Variants in HCFC2 observed in about 807,000 individuals in gnomAD.
HCFC2 encodes the protein host cell factor C2.
Under a neutral mutation model 89.2 loss-of-function variants are expected in HCFC2, and 18 were observed. The ratio of observed to expected loss-of-function variants is 0.20; its 90% CI spans 0.14 to 0.30. The LOEUF is 0.30. HCFC2 is among the 10% of genes least tolerant of loss of function. HCFC2 has a pLI of 1.00. For missense variants in HCFC2, 578 were observed against 956.1 expected, an observed-to-expected ratio of 0.60 and a Z score of 5.21; for synonymous variants, 308 against 335.7, an observed-to-expected ratio of 0.92 and a Z score of 0.90.
chr12:104,102,172 A>G lies in HCFC2; in HGVS notation c.2064+19A>G, dbSNP rs138662997. 3.5e-5 allele frequency: 56 copies of G among 1,595,932 alleles called. 1 individual carries two copies. The African/African-American group carries it at 5.4e-4, about 15-fold the overall frequency. ...TTCAAAGGTGAGACATCGGGTCAAG[A>G]CTTGTTGGTGATTTTAAATTATTTG... On this transcript the variant is annotated intron_variant, in intron 14 of 14. Transcript: ENST00000229330.
At chr12:104,097,682 G>A (rs1884215230) in intron 12 of HCFC2, 2 of 971,326 alleles carry the variant, frequency 2.1e-6, no homozygotes, top group South Asian at 9.5e-5. Context: ...TAAGAAGATG[G>A]CTTTAAAAGG....
At position 104,067,930 on chromosome 12, in the gene HCFC2, G is replaced by GC; in HGVS notation, c.313-14dup. 31 of 1,567,772 alleles carry GC rather than the reference G, an allele frequency of 2.0e-5. No individual in the cohort carries two copies. Among genetic ancestry groups the GC allele is most frequent in the Non-Finnish European group, 2.7e-5 (31 of 1,164,010 alleles). On this transcript the variant is annotated splice_polypyrimidine_tract_variant and intron_variant, in intron 2 of 14. Transcript: ENST00000229330. ...CTTGATTTTGTCTGACTGTATTTGTGCCCTTTTTTTTTTTAGGCAAGTCGT... is the reference window on the plus strand; with the variant it reads ...CTTGATTTTGTCTGACTGTATTTGTGCCCCTTTTTTTTTTTAGGCAAGTCGT...
chr12:104,066,435 T>C, intron 2 of HCFC2, 120 bp downstream of exon 2: 1 of 580,000 alleles, frequency 1.7e-6, no homozygotes, highest in Non-Finnish European at 2.7e-6. Context: ...TCAAGTAATG[T>C]ATTATTCAAG....
intron 3 of HCFC2, among the ~76,000 whole-genome samples, chr12:104,078,719 A>G (rs2136605757): frequency 6.6e-6 from 1 of 152,308 alleles, no homozygotes; most frequent in African/African-American, 2.4e-5. Context: ...CTGCCCCAAA[A>G]TTTAATGATG....
rs1377929592 is a variant in HCFC2, at chr12:104,103,389, G to T, written c.*116G>T. On this transcript the variant is annotated 3_prime_UTR_variant, in exon 15 of 15. Transcript: ENST00000229330. Reference sequence around the variant, plus strand: ...GTATTTCCAGCAGTTATGAACTTGAGTTTGTAAATTGTTCTTAAAATGTAT... The same window carrying T: ...GTATTTCCAGCAGTTATGAACTTGATTTTGTAAATTGTTCTTAAAATGTAT... 3.6e-6 allele frequency: 3 copies of T among 840,290 alleles called. No individual in the cohort carries two copies. The Admixed American group carries it at 8.9e-5, about 25-fold the overall frequency. The allele number at this position is 840,290 out of a possible 1,614,324, so 52.1% of individuals were successfully genotyped here.
chr12:104,089,659 T>G (rs17805891), intron 9 of HCFC2, among the ~76,000 whole-genome samples: 7,131 of 152,316 alleles, frequency 0.047, 188 homozygotes, highest in South Asian at 0.11. Context: ...CCTCATCCCC[T>G]CCTTTCCTGT....
In HCFC2 at chr12:104,079,659, T is replaced by C; in HGVS notation, c.682+6T>C. The C allele has an allele frequency of 1.2e-6, 2 of 1,606,964 alleles. No individual in the cohort carries two copies. The highest frequency in any genetic ancestry group is 1.7e-6 in the Non-Finnish European group (2 of 1,173,784). ...CCTATGGCAGCTTGACTTAGGTAAGTTTAACTTGATTCAGGCTCAGGAATA... is the reference window on the plus strand; with the variant it reads ...CCTATGGCAGCTTGACTTAGGTAAGCTTAACTTGATTCAGGCTCAGGAATA... On this transcript the variant is annotated splice_donor_region_variant and intron_variant, in intron 4 of 14. Coordinates refer to ENST00000229330, the MANE Select transcript of HCFC2 (RefSeq NM_013320.3).
At chr12:104,073,059 T>G (rs959077470) in intron 3 of HCFC2, among the ~76,000 whole-genome samples, 1 of 152,164 alleles carries the variant, frequency 6.6e-6, no homozygotes, top group Non-Finnish European at 1.5e-5. Flanking sequence ...TTATTATTTC[T>G]AATATTTAAA....
At chr12:104,072,402 A>C (rs1255132921) in intron 3 of HCFC2, among the ~76,000 whole-genome samples, 1 of 152,056 alleles carries the variant, frequency 6.6e-6, no homozygotes, top group Non-Finnish European at 1.5e-5. Flanking sequence ...TTTGTACAAA[A>C]AGGCTTACTG....
chr12:104,093,537 T>A lies in HCFC2; in HGVS notation c.1436T>A (p.Val479Glu), dbSNP rs1884089242. Reference protein sequence around the residue: ...ASNASNHNSHVVDMLRKNEGP... With the variant: ...ASNASNHNSHEVDMLRKNEGP... ...AATGCTTCTAATCATAATAGTCATGTGGTGGATATGCTAAGGAAAAATGAA... is the reference window on the plus strand; with the variant it reads ...AATGCTTCTAATCATAATAGTCATGAGGTGGATATGCTAAGGAAAAATGAA... The change falls in exon 10 of 15, where the codon GTG (valine) becomes GAG (glutamate). Residue 479 changes from valine (V) to glutamate (E), a missense_variant. By Grantham distance (121) the Val-to-Glu change is moderately radical (BLOSUM62 -2). Transcript: ENST00000229330. 6.2e-7 allele frequency: 1 copy of A among 1,611,508 alleles called. No homozygotes were observed. Among genetic ancestry groups the A allele is most frequent in the Admixed American group, 1.7e-5 (1 of 59,516 alleles).
Position 104,105,200 on chromosome 12 carries a change from G to T in HCFC2, c.*1927G>T, listed in dbSNP as rs976656692. On this transcript the variant is annotated 3_prime_UTR_variant, in exon 15 of 15. Coordinates refer to ENST00000229330, the MANE Select transcript of HCFC2 (RefSeq NM_013320.3). ...TATATGTGTATACTTAATTATAAAA[G>T]AATATGAATGGAAAGTTATACTAAA... is the stretch of plus-strand genomic sequence containing the variant. The T allele has an allele frequency of 3.3e-5, 5 of 151,470 alleles. No homozygotes were observed. The highest frequency in any genetic ancestry group is 1.2e-4 in the African/African-American group (5 of 41,274). 9.4% of individuals were successfully genotyped at this position (151,470 alleles called of 1,614,324 possible).
At position 104,100,573 on chromosome 12, in the gene HCFC2, C is replaced by CA. The variant is rs113839454; in HGVS notation, c.1879-1384dup. ...TGGATGACAGAGTGAGATGCTGTCT[C>CA]AAAAAAAAAAATTATTAAATGGACA... On this transcript the variant is annotated intron_variant, in intron 13 of 14. Coordinates refer to ENST00000229330, the MANE Select transcript of HCFC2 (RefSeq NM_013320.3). Among the ~76,000 whole-genome samples, 1,211 of 143,676 alleles carry CA rather than the reference C, an allele frequency of 8.4e-3. 21 individuals are homozygous for CA. Among genetic ancestry groups the CA allele is most frequent in the South Asian group, 0.076 (348 of 4,584 alleles). The allele number at this position is 143,676 out of a possible 152,430, so 94.3% of individuals were successfully genotyped here.
intron 13 of HCFC2, among the ~76,000 whole-genome samples, chr12:104,100,253 T>G (rs940141901): frequency 1.3e-5 from 2 of 152,106 alleles, no homozygotes; most frequent in African/African-American, 4.8e-5. Context: ...TTCTAAGAAT[T>G]ATTAAATAGA....
chr12:104,101,300 A>G (rs1012442249), intron 13 of HCFC2, among the ~76,000 whole-genome samples: 2 of 152,206 alleles, frequency 1.3e-5, no homozygotes, highest in East Asian at 3.8e-4. Flanking sequence ...CCTGGCCAGC[A>G]TGGCGAAACC....
rs370973683 is a variant in HCFC2, at chr12:104,096,387, C to T, written c.1694C>T (p.Thr565Met). The change falls in exon 12 of 15, where the codon ACG becomes ATG. Residue 565 changes from threonine (T) to methionine (M), a missense_variant. Coordinates refer to ENST00000229330, the MANE Select transcript of HCFC2 (RefSeq NM_013320.3). ...EVDETYALPA[T>M]KISRVETHAT... is the part of the protein sequence containing the mutation. The stretch of plus-strand genomic sequence containing the variant: ...GATGAAACATATGCACTGCCTGCAA[C>T]GAAGATCAGCCGTGTAGAGACACAT... 2.8e-5 allele frequency: 45 copies of T among 1,606,042 alleles called. No homozygotes were observed. The highest frequency in any genetic ancestry group is 3.4e-5 in the Non-Finnish European group (40 of 1,174,734).
chr12:104,092,415 G>A (rs563728509), intron 9 of HCFC2, among the ~76,000 whole-genome samples: 1 of 152,232 alleles, frequency 6.6e-6, no homozygotes, highest in African/African-American at 2.4e-5. Context: ...AACTGTGATT[G>A]TGCCACTGCA....
chr12:104,098,349 A>C lies in HCFC2; in HGVS notation c.1747A>C (p.Thr583Pro), dbSNP rs775671219. 4.4e-6 allele frequency: 7 copies of C among 1,582,064 alleles called. No homozygotes were observed. The highest frequency in any genetic ancestry group is 6.0e-6 in the Non-Finnish European group (7 of 1,171,712). ...HATATPFSKE[T>P]PSNPVATVKA... ...TTTTTTTCTCTGAAATTAGAAAGAG[A>C]CTCCTTCAAATCCAGTGGCCACAGT... Residue 583 changes from threonine to proline, a missense_variant, in exon 13 of 15, where the codon ACT becomes CCT. By Grantham distance (38) the Thr-to-Pro change is conservative (BLOSUM62 -1). Around this residue, in one of 4 missense-constraint regions of HCFC2, gnomAD observed 140 missense variants for 266.4 expected, o/e 0.53. Transcript: ENST00000229330.
In HCFC2 at chr12:104,068,912, T is replaced by A. The variant is rs565555796; in HGVS notation, c.473+805T>A. Among the ~76,000 whole-genome samples, 1 of 152,240 alleles carries A rather than the reference T, an allele frequency of 6.6e-6. No homozygotes were observed. Among genetic ancestry groups the A allele is most frequent in the African/African-American group, 2.4e-5 (1 of 41,544 alleles). ...ATTTAAGGTATATAACATGATGGTATAAGATAGATATTTTGTATATATATT... is the reference window on the plus strand; with the variant it reads ...ATTTAAGGTATATAACATGATGGTAAAAGATAGATATTTTGTATATATATT... On this transcript the variant is annotated intron_variant, in intron 3 of 14. Coordinates refer to ENST00000229330, the MANE Select transcript of HCFC2 (RefSeq NM_013320.3). The surrounding 1 kb of genome is among the most constrained non-coding windows in gnomAD (Gnocchi z 4.1).
chr12:104,087,902 A>G (rs76655421), intron 8 of HCFC2, 84 bp from the exon 9 acceptor site: 8,578 of 721,590 alleles, frequency 0.012, 69 homozygotes, highest in Non-Finnish European at 0.015. Flanking sequence ...TTTAAACTTT[A>G]ATATGTAACT....
Sources: gnomAD v4.1 joint callset for allele counts (sites outside exome capture counted in the v4.1 genomes callset) on GRCh38, gnomAD v4.1.1 for gene constraint, gnomAD v4.1.1 regional missense constraint, Gnocchi (gnomAD v3.1) non-coding constraint, MANE v1.5 for transcripts, NCBI Gene and HGNC (gene_info 2026-07-23, HGNC 2026-07-21) for gene names.